The following STK31 variants were observed in gnomAD, a reference collection of about 807,000 sequenced individuals.
STK31 encodes serine/threonine kinase 31.
Under a neutral mutation model 129.7 loss-of-function variants are expected in STK31, and 89 were observed. The observed-to-expected ratio is 0.69, with a 90% CI of 0.58 to 0.82. STK31 has a LOEUF of 0.82. STK31 is among the 40% of genes least tolerant of loss of function. The probability of loss-of-function intolerance (pLI) is 0.00; values close to 1 mark genes in which losing one functional copy is unlikely to be tolerated. For missense variants in STK31, 1,187 were observed against 1,176.4 expected (o/e 1.01, Z -0.13); for synonymous variants, 448 against 395.3 (o/e 1.13, Z -1.58).
chr7:23,777,131 T>G (rs1790602779), intron 15 of STK31, among the ~76,000 whole-genome samples: 2 of 152,210 alleles, frequency 1.3e-5, no homozygotes, highest in South Asian at 4.1e-4. Flanking sequence ...GTTGTGTGGT[T>G]TTCAGAGAGT....
At chr7:23,710,703 T>G (rs1785900575) in intron 1 of STK31, 8 of 1,101,386 alleles carry the variant, frequency 7.3e-6, no homozygotes, top group African/African-American at 1.6e-5. Context: ...AAGTGGAGAT[T>G]TGGACGTACT....
intron 6 of STK31, 66 bp downstream of exon 6, chr7:23,729,315 G>A: frequency 1.1e-5 from 15 of 1,395,864 alleles, no homozygotes; most frequent in South Asian, 3.1e-5. Flanking sequence ...ACAAAATGTA[G>A]GTATAGTTAA....
intron 22 of STK31, chr7:23,811,223 A>G (rs796289878): frequency 2.2e-5 from 6 of 275,670 alleles, no homozygotes; most frequent in African/African-American, 1.4e-4. Flanking sequence ...TAGCAGAGCA[A>G]CTGTGCCATC....
chr7:23,812,706 G>A (rs746855096), intron 22 of STK31, among the ~76,000 whole-genome samples: 1 of 150,226 alleles, frequency 6.7e-6, no homozygotes, highest in Non-Finnish European at 1.5e-5. Context: ...ACTTTTATTC[G>A]ACATTCTGTG....
At chr7:23,716,344 C>T (rs146882745) in intron 3 of STK31, among the ~76,000 whole-genome samples, 288 of 152,084 alleles carry the variant, frequency 1.9e-3, no homozygotes, top group Non-Finnish European at 3.1e-3. Context: ...TGTGATATAC[C>T]TTCTTATTGA....
intron 23 of STK31, among the ~76,000 whole-genome samples, chr7:23,818,181 C>T (rs900191779): frequency 1.3e-5 from 2 of 151,996 alleles, no homozygotes; most frequent in Non-Finnish European, 2.9e-5. Context: ...ATCTCTTAAT[C>T]TCTGTTGAGC....
intron 12 of STK31, 104 bp downstream of exon 12, chr7:23,769,278 G>A: frequency 9.0e-7 from 1 of 1,116,010 alleles, no homozygotes; most frequent in African/African-American, 1.6e-5. Context: ...TACCTACTAT[G>A]TATCAGATTT....
intron 8 of STK31, among the ~76,000 whole-genome samples, chr7:23,744,679 G>A (rs756365460): frequency 6.6e-6 from 1 of 152,192 alleles, no homozygotes; most frequent in Non-Finnish European, 1.5e-5. Flanking sequence ...TCATGCAGTA[G>A]CATAGTCTTT....
intron 8 of STK31, among the ~76,000 whole-genome samples, chr7:23,749,681 TATATC>T: frequency 6.6e-6 from 1 of 152,204 alleles, no homozygotes; most frequent in Middle Eastern, 3.4e-3. Context: ...CTGTATATGA[TATATC>T]AGGTAAAAAA....
chr7:23,744,676 GTAGCA>G (rs1769159720), intron 8 of STK31, among the ~76,000 whole-genome samples: 1 of 152,200 alleles, frequency 6.6e-6, no homozygotes, highest in Non-Finnish European at 1.5e-5. Flanking sequence ...GGTTCATGCA[GTAGCA>G]TAGTCTTTGT....
chr7:23,772,282 AG>A lies in STK31; in HGVS notation c.1965+6del. On this transcript the variant is annotated splice_donor_5th_base_variant and intron_variant, in intron 15 of 23. Coordinates refer to ENST00000355870, the MANE Select transcript of STK31 (RefSeq NM_031414.5). ...TGAAAAGAGTAATTTGGAAGAGGTA[AG>A]GAAACAGTTGTTTCTTACTGATCTT... 1 of 1,601,062 alleles carries A rather than the reference AG, an allele frequency of 6.2e-7. No individual in the cohort carries two copies. The highest frequency in any genetic ancestry group is 8.5e-7 in the Non-Finnish European group (1 of 1,175,928).
chr7:23,710,485 C>G, intron 1 of STK31, 150 bp downstream of exon 1: 1 of 1,507,858 alleles, frequency 6.6e-7, no homozygotes, highest in Non-Finnish European at 8.9e-7. Flanking sequence ...AGAGGGGTGC[C>G]AGATGCCCCA....
chr7:23,748,793 T>C (rs1030096102), intron 8 of STK31, among the ~76,000 whole-genome samples: 2 of 152,386 alleles, frequency 1.3e-5, no homozygotes, highest in African/African-American at 4.8e-5. Flanking sequence ...AACTGATGGC[T>C]TGTCTTATCA....
intron 22 of STK31, among the ~76,000 whole-genome samples, chr7:23,799,101 A>G (rs573906630): frequency 1.3e-3 from 191 of 148,436 alleles, no homozygotes; most frequent in African/African-American, 4.5e-3. Flanking sequence ...GAGGACACAA[A>G]AAAATGGAAA....
At chr7:23,803,623 G>A (rs1440566258) in intron 22 of STK31, among the ~76,000 whole-genome samples, 1 of 152,032 alleles carries the variant, frequency 6.6e-6, no homozygotes, top group Non-Finnish European at 1.5e-5. Context: ...ACATATGCAG[G>A]TTTGTTATAT....
At chr7:23,815,001 C>A in intron 22 of STK31, 143 bp from the exon 23 acceptor site, 1 of 550,066 alleles carries the variant, frequency 1.8e-6, no homozygotes, top group Non-Finnish European at 3.1e-6. Flanking sequence ...AATGAAAGTG[C>A]TTTTACCCTG....
chr7:23,817,345 G>A (rs1015021793), intron 23 of STK31, among the ~76,000 whole-genome samples: 2 of 152,168 alleles, frequency 1.3e-5, no homozygotes, highest in African/African-American at 4.8e-5. Context: ...TTGTGGCATT[G>A]AAAATGAGAT....
intron 22 of STK31, 40 bp from the exon 23 acceptor site, chr7:23,815,104 A>T: frequency 6.8e-7 from 1 of 1,475,268 alleles, no homozygotes; most frequent in South Asian, 1.2e-5. Flanking sequence ...TTGGCGTATT[A>T]ATACATTGGA....
intron 3 of STK31, among the ~76,000 whole-genome samples, chr7:23,713,235 A>G (rs1051715632): frequency 6.6e-6 from 1 of 152,190 alleles, no homozygotes; most frequent in Non-Finnish European, 1.5e-5. Context: ...AGACAATTGT[A>G]ACACAATATT....
Sources: allele counts gnomAD v4.1 joint callset (sites outside exome capture counted in the v4.1 genomes callset), GRCh38; gene constraint gnomAD v4.1.1; transcripts MANE v1.5; gene names NCBI Gene and HGNC (gene_info 2026-07-23, HGNC 2026-07-21).